Variants in PLSCR4 observed in about 807,000 individuals in gnomAD.
PLSCR4 encodes the protein Ca(2+)-dependent phospholipid scramblase 4.
PLSCR4 carries 25 observed loss-of-function variants against 36.3 expected under a neutral mutation model. The ratio of observed to expected loss-of-function variants is 0.69; its 90% CI spans 0.50 to 0.96. The LOEUF (loss-of-function observed/expected upper bound fraction) is 0.96, where lower values mean the gene tolerates loss of function less well. Among genes scored for constraint, PLSCR4 ranks in the 40% least tolerant of loss-of-function variants. PLSCR4 has a pLI of 0.00. For synonymous variants in PLSCR4, 122 were observed against 132.9 expected, an observed-to-expected ratio of 0.92 and a Z score of 0.56; for missense variants, 408 against 414.7, an observed-to-expected ratio of 0.98 and a Z score of 0.14.
chr3:146,219,325 T>C (rs1196569693), intron 3 of PLSCR4, among the ~76,000 whole-genome samples: 1 of 152,218 alleles, frequency 6.6e-6, no homozygotes, highest in Admixed American at 6.5e-5. Context: ...TAGTAGGGTC[T>C]AGGTTTTTGG....
chr3:146,209,336 G>C (rs115247666), intron 3 of PLSCR4, among the ~76,000 whole-genome samples: 1 of 152,022 alleles, frequency 6.6e-6, no homozygotes, highest in East Asian at 1.9e-4. Flanking sequence ...GGTGGTGGGT[G>C]CACTAGAATC....
intron 1 of PLSCR4, among the ~76,000 whole-genome samples, chr3:146,225,677 G>A (rs1466259963): frequency 1.3e-5 from 2 of 152,216 alleles, no homozygotes; most frequent in African/African-American, 4.8e-5. Context: ...TGGCCCAGGA[G>A]CTAAGTCCCT....
intron 1 of PLSCR4, among the ~76,000 whole-genome samples, chr3:146,231,238 T>C (rs968478098): frequency 3.3e-5 from 5 of 152,238 alleles, no homozygotes; most frequent in Non-Finnish European, 7.3e-5. Context: ...AAGGAGTATA[T>C]GTACCATATA....
Position 146,206,590 on chromosome 3 carries a change from A to G in PLSCR4, c.290T>C (p.Ile97Thr). The G allele has an allele frequency of 6.2e-7, 1 of 1,613,596 alleles. No homozygotes were observed. The highest frequency in any genetic ancestry group is 8.5e-7 in the Non-Finnish European group (1 of 1,179,686). The change falls in exon 4 of 9, where the codon ATA becomes ACA. Residue 97 changes from isoleucine (I) to threonine (T), a missense_variant. Coordinates refer to ENST00000354952, the MANE Select transcript of PLSCR4 (RefSeq NM_020353.3). ...KYPMPNQSVP[I>T]TWMPGPTPMA... ...AGGAGTTGGCCCTGGCATCCATGTT[A>G]TTGGAACAGACTGATTTGGCATAGG...
chr3:146,224,305 T>C (rs958090675), intron 1 of PLSCR4, among the ~76,000 whole-genome samples: 1 of 152,216 alleles, frequency 6.6e-6, no homozygotes, highest in African/African-American at 2.4e-5. Context: ...ATTATAGCTG[T>C]GCACGTGGAC....
chr3:146,234,994 C>T (rs1017311700), intron 1 of PLSCR4, among the ~76,000 whole-genome samples: 1 of 152,122 alleles, frequency 6.6e-6, no homozygotes, highest in African/African-American at 2.4e-5. Flanking sequence ...GGATCAACTG[C>T]CTGCCAAAAC....
chr3:146,236,614 C>T lies in PLSCR4; in HGVS notation c.-22+14346G>A, dbSNP rs946452894. ...GAAGTTTCCCTGCACAAGCTCTTCT[C>T]TTGGCCTGCCACCATCCACATAAGA... is the stretch of plus-strand genomic sequence containing the variant. On this transcript the variant is annotated intron_variant, in intron 1 of 8. Coordinates refer to ENST00000354952, the MANE Select transcript of PLSCR4 (RefSeq NM_020353.3). 3.3e-5 allele frequency among the ~76,000 whole-genome samples: 5 copies of T among 152,142 alleles called. No individual in the cohort carries two copies. The East Asian group carries it at 9.7e-4, about 29-fold the overall frequency.
rs544701525 is a variant in PLSCR4, at chr3:146,203,621, G to T, written c.355-2544C>A. Among the ~76,000 whole-genome samples, 21 of 152,038 alleles carry T rather than the reference G, an allele frequency of 1.4e-4. No homozygotes were observed. The South Asian group carries it at 4.1e-3, about 30-fold the overall frequency. ...CACCTTGCACTTCTATGTTACAAAA[G>T]TGCCTTTTTTCCCCCCTTAAGCCTT... On this transcript the variant is annotated intron_variant, in intron 4 of 8. Coordinates refer to ENST00000354952, the MANE Select transcript of PLSCR4 (RefSeq NM_020353.3).
intron 5 of PLSCR4, among the ~76,000 whole-genome samples, chr3:146,200,632 TG>T (rs1204013284): frequency 3.3e-5 from 5 of 152,128 alleles, no homozygotes; most frequent in African/African-American, 1.2e-4. Context: ...TTTCCAGCTC[TG>T]CCACTGATTA....
intron 3 of PLSCR4, among the ~76,000 whole-genome samples, chr3:146,212,081 A>T (rs1297306018): frequency 6.6e-6 from 1 of 152,118 alleles, no homozygotes; most frequent in African/African-American, 2.4e-5. Context: ...TAAAAATTCC[A>T]CTGTGATAAG....
At chr3:146,244,965 T>A (rs1410549308) in intron 1 of PLSCR4, among the ~76,000 whole-genome samples, 2 of 152,042 alleles carry the variant, frequency 1.3e-5, no homozygotes, top group African/African-American at 4.8e-5. Context: ...TTGTTATTCA[T>A]GGGAGGAAGT....
chr3:146,194,222 T>A lies in PLSCR4; in HGVS notation c.*189A>T. ...ATGAACTCCTATTCTACTAGAGAGA[T>A]ACTCAATTGAAACACACTTTTAGAT... On this transcript the variant is annotated 3_prime_UTR_variant, in exon 9 of 9. Coordinates refer to ENST00000354952, the MANE Select transcript of PLSCR4 (RefSeq NM_020353.3). The A allele has an allele frequency of 3.5e-6, 2 of 573,452 alleles. No individual in the cohort carries two copies. Among genetic ancestry groups the A allele is most frequent in the Non-Finnish European group, 6.2e-6 (2 of 322,562 alleles). 35.5% of individuals were successfully genotyped at this position (573,452 alleles called of 1,614,324 possible).
intron 1 of PLSCR4, among the ~76,000 whole-genome samples, chr3:146,241,721 T>G (rs2036157036): frequency 6.6e-6 from 1 of 152,158 alleles, no homozygotes; most frequent in Admixed American, 6.5e-5. Context: ...AACCATTATT[T>G]TCAACGTACG....
rs1401191451 is a variant in PLSCR4, at chr3:146,194,305, AC to A, written c.*105del. 1.3e-6 allele frequency: 1 copy of A among 794,818 alleles called. No homozygotes were observed. Among genetic ancestry groups the A allele is most frequent in the Non-Finnish European group, 2.2e-6 (1 of 458,016 alleles). 49.2% of individuals were successfully genotyped at this position (794,818 alleles called of 1,614,324 possible). ...AGTTAACACCCAATAAAAATACTCT[AC>A]AAAGCAAAGAAATACACTTGCAAAT... On this transcript the variant is annotated 3_prime_UTR_variant, in exon 9 of 9. Transcript: ENST00000354952.
At chr3:146,223,744 G>A (rs2035286383) in intron 1 of PLSCR4, 1 of 151,574 alleles carries the variant, frequency 6.6e-6, no homozygotes, top group South Asian at 2.1e-4. Context: ...TCTGGAGCTG[G>A]AGTTTGTTGT....
intron 3 of PLSCR4, among the ~76,000 whole-genome samples, chr3:146,212,183 GTCT>G (rs2034659689): frequency 6.6e-6 from 1 of 151,850 alleles, no homozygotes; most frequent in Admixed American, 6.6e-5. Flanking sequence ...CACTTACGTA[GTCT>G]TCTTTAATTT....
chr3:146,214,008 T>C (rs1235874686), intron 3 of PLSCR4, among the ~76,000 whole-genome samples: 3 of 152,140 alleles, frequency 2.0e-5, no homozygotes, highest in Non-Finnish European at 4.4e-5. Flanking sequence ...ATTTTGTTTA[T>C]TGTTCTTTTT....
At chr3:146,200,350 A>C (rs2033977202) in intron 5 of PLSCR4, among the ~76,000 whole-genome samples, 1 of 152,090 alleles carries the variant, frequency 6.6e-6, no homozygotes, top group Admixed American at 6.6e-5. Context: ...TTAATTATAA[A>C]ACCATTTAAA....
At position 146,218,337 on chromosome 3, in the gene PLSCR4, T is replaced by G. The variant is rs560092425; in HGVS notation, c.118+2478A>C. On this transcript the variant is annotated intron_variant, in intron 3 of 8. Coordinates refer to ENST00000354952, the MANE Select transcript of PLSCR4 (RefSeq NM_020353.3). Reference sequence around the variant, plus strand: ...ATCATATGAATTATCTCAAGAATATTAATCATTATATCACTTCAATGAGTT... The same window carrying G: ...ATCATATGAATTATCTCAAGAATATGAATCATTATATCACTTCAATGAGTT... Among the ~76,000 whole-genome samples, 97 of 152,102 alleles carry G rather than the reference T, an allele frequency of 6.4e-4. 1 individual carries two copies. Among genetic ancestry groups the G allele is most frequent in the African/African-American group, 2.3e-3 (94 of 41,528 alleles).
Sources: allele counts gnomAD v4.1 joint callset (sites outside exome capture counted in the v4.1 genomes callset), GRCh38; gene constraint gnomAD v4.1.1; transcripts MANE v1.5; gene names NCBI Gene and HGNC (gene_info 2026-07-23, HGNC 2026-07-21).